ERFE: variants seen among roughly 807,000 people sequenced by gnomAD.
ERFE encodes the protein erythroferrone.
Under a neutral mutation model 26.6 loss-of-function variants are expected in ERFE, and 25 were observed. That is an observed-to-expected ratio of 0.94 (90% CI 0.69 to 1.31). The LOEUF (loss-of-function observed/expected upper bound fraction) is 1.31, where lower values mean the gene tolerates loss of function less well. ERFE is among the 40% of genes most tolerant of loss of function. The probability of loss-of-function intolerance (pLI) is 0.00; values close to 1 mark genes in which losing one functional copy is unlikely to be tolerated. For missense variants in ERFE, 447 were observed against 440.2 expected (o/e 1.02, Z -0.14); for synonymous variants, 206 against 204.5 (o/e 1.01, Z -0.06).
intron 3 of ERFE, chr2:238,163,516 C>A: frequency 4.3e-6 from 2 of 464,362 alleles, no homozygotes; most frequent in African/African-American, 2.0e-5. Flanking sequence ...GGCGCTGGGG[C>A]ACTTCTGCCC....
At chr2:238,163,368 C>G (rs1692969076) in intron 3 of ERFE, among the ~76,000 whole-genome samples, 2 of 152,210 alleles carry the variant, frequency 1.3e-5, no homozygotes. Flanking sequence ...CCTTTTAGTT[C>G]AATGTCCTGT....
In ERFE at chr2:238,168,710, G is replaced by T. The variant is rs930953564; in HGVS notation, c.*1656G>T. On this transcript the variant is annotated 3_prime_UTR_variant, in exon 8 of 8. Transcript: ENST00000546354. ...TACTGCATCCGTGTGTTTTGATAAGGGGGTGATGTGGCCACGCCCTTATCT... is the reference window on the plus strand; with the variant it reads ...TACTGCATCCGTGTGTTTTGATAAGTGGGTGATGTGGCCACGCCCTTATCT... 12 of 299,804 alleles carry T rather than the reference G, an allele frequency of 4.0e-5. No homozygotes were observed. Among genetic ancestry groups the T allele is most frequent in the Non-Finnish European group, 1.3e-5 (2 of 149,992 alleles). 18.6% of individuals were successfully genotyped at this position (299,804 alleles called of 1,614,324 possible).
intron 7 of ERFE, among the ~76,000 whole-genome samples, chr2:238,166,305 C>G (rs897249826): frequency 2.0e-5 from 3 of 152,264 alleles, no homozygotes; most frequent in Admixed American, 2.0e-4. Context: ...CAAGTTCACA[C>G]AGCAGAGCCA....
chr2:238,159,839 G>T (rs1326910750), intron 1 of ERFE, among the ~76,000 whole-genome samples: 3 of 152,210 alleles, frequency 2.0e-5, no homozygotes, highest in African/African-American at 7.2e-5. Flanking sequence ...CCTCAGTGTG[G>T]CCGGGCCTTG....
intron 2 of ERFE, among the ~76,000 whole-genome samples, chr2:238,162,124 G>T (rs1189817255): frequency 6.6e-6 from 1 of 152,218 alleles, no homozygotes; most frequent in Non-Finnish European, 1.5e-5. Flanking sequence ...TGGTCCTGGT[G>T]CTGCCTCCTG....
rs893379560 is a variant in ERFE at position 238,165,677 on chromosome 2, A to G, written c.959A>G (p.Tyr320Cys). The change falls in exon 7 of 8, where the codon TAC (tyrosine) becomes TGC (cysteine). Residue 320 changes from tyrosine to cysteine, a missense_variant. Physicochemically the swap from Tyr to Cys is radical, Grantham distance 194. Coordinates refer to ENST00000546354, the MANE Select transcript of ERFE (RefSeq NM_001291832.2). ...ACCATCTCTGTGAATGGCGTCCTGT[A>G]CCTGCAGGTGAGTGCGGCAGGCTTG... The part of the protein sequence containing the change: ...LFTISVNGVL[Y>C]LQMGQWTSVF... 26 of 1,549,046 alleles carry G rather than the reference A, an allele frequency of 1.7e-5. 1 individual carries two copies. The Admixed American group carries it at 3.5e-4, about 21-fold the overall frequency.
In ERFE at chr2:238,167,468, C is replaced by G. The variant is rs1281555746; in HGVS notation, c.*414C>G. ...GTGCAAAGTGCACCAGCCAGGGCCC[C>G]TACCTGGGAGAGGGTCAGCTGACGC... On this transcript the variant is annotated 3_prime_UTR_variant, in exon 8 of 8. Transcript: ENST00000546354. 1 of 473,916 alleles carries G rather than the reference C, an allele frequency of 2.1e-6. No homozygotes were observed. The allele number at this position is 473,916 out of a possible 1,614,324, so 29.4% of individuals were successfully genotyped here. A position where few individuals can be genotyped will look rare whatever the true frequency, so the allele number is the denominator to read the frequency against.
chr2:238,160,700 C>T (rs1692925910), intron 1 of ERFE, among the ~76,000 whole-genome samples: 1 of 152,174 alleles, frequency 6.6e-6, no homozygotes, highest in African/African-American at 2.4e-5. Flanking sequence ...AGCCAGGAAC[C>T]AAAGGCAGTG....
chr2:238,167,861 T>TC lies in ERFE; in HGVS notation c.*811dup. ...GAGGTGGATGAGATCCCTTTTCCCC[T>TC]CCCCTCTGAGGTGCTGACTCACTGG... On this transcript the variant is annotated 3_prime_UTR_variant, in exon 8 of 8. Transcript: ENST00000546354. 1 of 212,676 alleles carries TC rather than the reference T, an allele frequency of 4.7e-6. No homozygotes were observed. Among genetic ancestry groups the TC allele is most frequent in the Middle Eastern group, 1.8e-3 (1 of 552 alleles). 13.2% of individuals were successfully genotyped at this position (212,676 alleles called of 1,614,324 possible).
Position 238,168,661 on chromosome 2 carries a change from C to T in ERFE, c.*1607C>T, listed in dbSNP as rs1190804531. 2.8e-6 allele frequency: 1 copy of T among 353,044 alleles called. No homozygotes were observed. Among genetic ancestry groups the T allele is most frequent in the Admixed American group, 3.9e-5 (1 of 25,678 alleles). The allele number at this position is 353,044 out of a possible 1,614,324, so 21.9% of individuals were successfully genotyped here. A position where few individuals can be genotyped will look rare whatever the true frequency, so the allele number is the denominator to read the frequency against. ...TCAGTAGGACTCACACCCACCCTACCTAGAAGTACTGGGCTGGCCTGGGTA... is the reference window on the plus strand; with the variant it reads ...TCAGTAGGACTCACACCCACCCTACTTAGAAGTACTGGGCTGGCCTGGGTA... On this transcript the variant is annotated 3_prime_UTR_variant, in exon 8 of 8. Transcript: ENST00000546354.
Position 238,164,107 on chromosome 2 carries a change from G to GT in ERFE, c.720_721insT (p.Gly241TrpfsTer69). ...CCGAGGGTGCCTTCCGCCGCGGCCC[G>GT]GGCCTGAACTTGACCAGCGGCCAGT... is the stretch of plus-strand genomic sequence containing the variant. On this transcript the variant is annotated frameshift_variant, in exon 5 of 8. Transcript: ENST00000546354. LOFTEE classifies it high-confidence loss of function. 1 of 1,438,756 alleles carries GT rather than the reference G, an allele frequency of 7.0e-7. No individual in the cohort carries two copies. The highest frequency in any genetic ancestry group is 9.1e-7 in the Non-Finnish European group (1 of 1,098,956). The allele number at this position is 1,438,756 out of a possible 1,614,324, so 89.1% of individuals were successfully genotyped here.
chr2:238,159,726 G>A (rs1009490126), intron 1 of ERFE, among the ~76,000 whole-genome samples: 8 of 152,158 alleles, frequency 5.3e-5, no homozygotes, highest in Non-Finnish European at 7.4e-5. Context: ...GCTCTGCCCT[G>A]CCCCCTCCTC....
At chr2:238,165,568 C>T (rs1559282911) in intron 6 of ERFE, 38 bp from the exon 7 acceptor site, 2 of 1,517,644 alleles carry the variant, frequency 1.3e-6, no homozygotes, top group Non-Finnish European at 8.9e-7. Flanking sequence ...GGTGGGGTCT[C>T]ATGGGGCAGG....
intron 6 of ERFE, 151 bp downstream of exon 6, chr2:238,164,511 ACTT>A: frequency 1.4e-6 from 1 of 699,994 alleles, no homozygotes; most frequent in Non-Finnish European, 2.4e-6. Context: ...CTCCCGGTCT[ACTT>A]CTGCCCCTAT....
In ERFE at chr2:238,167,055, G is replaced by A; in HGVS notation, c.*1G>A. On this transcript the variant is annotated 3_prime_UTR_variant, in exon 8 of 8. Coordinates refer to ENST00000546354, the MANE Select transcript of ERFE (RefSeq NM_001291832.2). ...CAGTGCTGTCCTCCTGGGCGTGTGAGCGGCCACCACAGGCCCTTCCTCTCA... is the reference window on the plus strand; with the variant it reads ...CAGTGCTGTCCTCCTGGGCGTGTGAACGGCCACCACAGGCCCTTCCTCTCA... The A allele has an allele frequency of 6.5e-7, 1 of 1,550,056 alleles. No individual in the cohort carries two copies. The highest frequency in any genetic ancestry group is 8.7e-7 in the Non-Finnish European group (1 of 1,146,808).
intron 7 of ERFE, among the ~76,000 whole-genome samples, chr2:238,166,560 C>A (rs1693038289): frequency 6.6e-6 from 1 of 152,228 alleles, no homozygotes; most frequent in Admixed American, 6.5e-5. Flanking sequence ...TTTGGAGCAG[C>A]CAGGCTAGAG....
In ERFE at chr2:238,168,056, G is replaced by A. The variant is rs1291264080; in HGVS notation, c.*1002G>A. The A allele has an allele frequency of 5.0e-6, 1 of 198,524 alleles. No homozygotes were observed. The highest frequency in any genetic ancestry group is 1.0e-5 in the Non-Finnish European group (1 of 95,424). 12.3% of individuals were successfully genotyped at this position (198,524 alleles called of 1,614,324 possible). A position where few individuals can be genotyped will look rare whatever the true frequency, so the allele number is the denominator to read the frequency against. On this transcript the variant is annotated 3_prime_UTR_variant, in exon 8 of 8. Coordinates refer to ENST00000546354, the MANE Select transcript of ERFE (RefSeq NM_001291832.2). ...AGCCTCCCAAGCATCTTTCCCACTT[G>A]GGTGGCCATGCGGCGCTGACATTGG... is the stretch of plus-strand genomic sequence containing the variant.
At position 238,161,581 on chromosome 2, in the gene ERFE, G is replaced by A; in HGVS notation, c.199-13G>A. ...GTGAGGCCAACCGCCCTGCTGGGCT[G>A]GCTGTGTTCCAGGAGCCCACCGCTG... On this transcript the variant is annotated splice_polypyrimidine_tract_variant and intron_variant, in intron 1 of 7. Coordinates refer to ENST00000546354, the MANE Select transcript of ERFE (RefSeq NM_001291832.2). The A allele has an allele frequency of 6.6e-7, 1 of 1,519,698 alleles. No individual in the cohort carries two copies. Among genetic ancestry groups the A allele is most frequent in the East Asian group, 2.5e-5 (1 of 40,052 alleles). The allele number at this position is 1,519,698 out of a possible 1,614,324, so 94.1% of individuals were successfully genotyped here.
rs1693077500 is a variant in ERFE, at chr2:238,168,138, C to G, written c.*1084C>G. On this transcript the variant is annotated 3_prime_UTR_variant, in exon 8 of 8. Coordinates refer to ENST00000546354, the MANE Select transcript of ERFE (RefSeq NM_001291832.2). ...AGGGTGGTCTTGGGAGGGCTGGTCC[C>G]AAGCCTGCTGTGCTCCTGTGGCAGT... is the stretch of plus-strand genomic sequence containing the variant. The G allele has an allele frequency of 3.8e-6, 1 of 261,002 alleles. No homozygotes were observed. The highest frequency in any genetic ancestry group is 1.1e-4 in the East Asian group (1 of 9,144). The allele number at this position is 261,002 out of a possible 1,614,324, so 16.2% of individuals were successfully genotyped here. A position where few individuals can be genotyped will look rare whatever the true frequency, so the allele number is the denominator to read the frequency against.
Sources: gnomAD v4.1 joint callset for allele counts (sites outside exome capture counted in the v4.1 genomes callset) on GRCh38, gnomAD v4.1.1 for gene constraint, MANE v1.5 for transcripts, NCBI Gene and HGNC (gene_info 2026-07-23, HGNC 2026-07-21) for gene names.